KCNQ1: variants seen among roughly 807,000 people sequenced by gnomAD.
KCNQ1 encodes the protein potassium voltage-gated channel subfamily KQT member 1.
A neutral mutation model predicts 72.4 loss-of-function variants in KCNQ1; 49 were observed. The observed-to-expected ratio is 0.68, with a 90% CI of 0.54 to 0.86. The LOEUF (loss-of-function observed/expected upper bound fraction) is 0.86, where lower values mean the gene tolerates loss of function less well. Among genes scored for constraint, KCNQ1 ranks in the 40% least tolerant of loss-of-function variants. The pLI, the probability that KCNQ1 is intolerant of heterozygous loss-of-function variation, is 0.00. For synonymous variants in KCNQ1, 450 were observed against 412.6 expected (o/e 1.09, Z -1.10); for missense variants, 790 against 945.1 (o/e 0.84, Z 2.15).
intron 11 of KCNQ1, chr11:2,688,469 ACT>A (rs1850531164): frequency 2.5e-6 from 1 of 398,554 alleles, no homozygotes; most frequent in African/African-American, 2.1e-5. Flanking sequence ...AGAACACCAC[ACT>A]GAGGCTCTGC....
intron 11 of KCNQ1, chr11:2,662,989 C>T (rs1849996113): frequency 5.0e-6 from 2 of 398,728 alleles, no homozygotes; most frequent in Non-Finnish European, 8.8e-6. Flanking sequence ...AGGTGCAAGG[C>T]CTGGCCTTGC....
intron 2 of KCNQ1, among the ~76,000 whole-genome samples, chr11:2,554,244 G>A (rs1434319509): frequency 1.8e-4 from 27 of 152,234 alleles, no homozygotes; most frequent in Admixed American, 1.8e-3. Context: ...TTAAACATTT[G>A]ATAGCTAGAA....
At position 2,472,193 on chromosome 11, in the gene KCNQ1, CTATG is replaced by C. The variant is rs1251309803; in HGVS notation, c.386+26711_386+26714del. Reference sequence around the variant, plus strand: ...CACCTTTGTGTGTATATGTGCATGTCTATGTGTGCACATGTGTGTAGGTGTGTGT... The same window carrying C: ...CACCTTTGTGTGTATATGTGCATGTCTGTGCACATGTGTGTAGGTGTGTGT... On this transcript the variant is annotated intron_variant, in intron 1 of 15. Coordinates refer to ENST00000155840, the MANE Select transcript of KCNQ1 (RefSeq NM_000218.3). Among the ~76,000 whole-genome samples, 4 of 121,256 alleles carry C rather than the reference CTATG, an allele frequency of 3.3e-5. No homozygotes were observed. The Admixed American group carries it at 3.4e-4, about 10-fold the overall frequency. 79.5% of individuals were successfully genotyped at this position (121,256 alleles called of 152,430 possible).
intron 6 of KCNQ1, among the ~76,000 whole-genome samples, chr11:2,577,634 G>A (rs61871514): frequency 0.031 from 4,789 of 152,312 alleles, 83 homozygotes; most frequent in Middle Eastern, 0.11. Context: ...GGTTTATTTT[G>A]GGGTGTGTGT....
intron 1 of KCNQ1, among the ~76,000 whole-genome samples, chr11:2,518,140 G>A (rs117063915): frequency 0.01 from 1,542 of 152,364 alleles, 16 homozygotes; most frequent in Middle Eastern, 0.034. Context: ...CTGGGCCTTC[G>A]GAGGGAGGGA....
chr11:2,525,988 G>A (rs1284117537), intron 1 of KCNQ1, among the ~76,000 whole-genome samples: 1 of 152,214 alleles, frequency 6.6e-6, no homozygotes, highest in African/African-American at 2.4e-5. Context: ...CAGTTGGGGT[G>A]TTGTGGGGGC....
At chr11:2,554,736 A>G (rs1168665382) in intron 2 of KCNQ1, among the ~76,000 whole-genome samples, 1 of 152,216 alleles carries the variant, frequency 6.6e-6, no homozygotes, top group African/African-American at 2.4e-5. Flanking sequence ...ATTTCACGAC[A>G]AGTCTGCTTT....
intron 10 of KCNQ1, among the ~76,000 whole-genome samples, chr11:2,607,608 G>A (rs970636441): frequency 1.3e-5 from 2 of 152,134 alleles, no homozygotes; most frequent in Admixed American, 1.3e-4. Context: ...CCAGTGCCTT[G>A]ACCTTGGACT....
In KCNQ1 at chr11:2,848,281, A is replaced by G. The variant is rs1848382587; in HGVS notation, c.*278A>G. The G allele has an allele frequency of 1.6e-6, 1 of 637,806 alleles. No individual in the cohort carries two copies. Among genetic ancestry groups the G allele is most frequent in the Non-Finnish European group, 2.9e-6 (1 of 347,446 alleles). The allele number at this position is 637,806 out of a possible 1,614,324, so 39.5% of individuals were successfully genotyped here. On this transcript the variant is annotated 3_prime_UTR_variant, in exon 16 of 16. Coordinates refer to ENST00000155840, the MANE Select transcript of KCNQ1 (RefSeq NM_000218.3). ...ACATGGTGATGTTGACATCACTGGC[A>G]TGGTGGTTGGGACCCAGTGGCAGGG...
At chr11:2,502,152 C>T (rs1171332614) in intron 1 of KCNQ1, among the ~76,000 whole-genome samples, 1 of 152,192 alleles carries the variant, frequency 6.6e-6, no homozygotes, top group Non-Finnish European at 1.5e-5. Flanking sequence ...AAGATGCCCA[C>T]TTTCATCACT....
At chr11:2,797,171 C>T (rs968488307) in intron 15 of KCNQ1, among the ~76,000 whole-genome samples, 5 of 149,280 alleles carry the variant, frequency 3.3e-5, no homozygotes, top group Non-Finnish European at 4.4e-5. Flanking sequence ...GGGGGGGTGG[C>T]GGGGGGGAGG....
intron 11 of KCNQ1, among the ~76,000 whole-genome samples, chr11:2,718,223 C>T (rs1851129783): frequency 6.6e-6 from 1 of 152,226 alleles, no homozygotes; most frequent in African/African-American, 2.4e-5. Flanking sequence ...TCCTTCCCCA[C>T]ATCCCCCTCA....
intron 11 of KCNQ1, chr11:2,694,878 A>T: frequency 2.5e-6 from 1 of 398,654 alleles, no homozygotes. Flanking sequence ...AAATAAGAAG[A>T]AGGAATTGTC....
At chr11:2,560,543 G>T in intron 2 of KCNQ1, among the ~76,000 whole-genome samples, 1 of 121,420 alleles carries the variant, frequency 8.2e-6, no homozygotes, top group Non-Finnish European at 1.8e-5. Context: ...GGGGGGGCGG[G>T]GGGGGGTGAC....
chr11:2,846,403 G>T (rs1440868330), intron 15 of KCNQ1, among the ~76,000 whole-genome samples: 1 of 152,172 alleles, frequency 6.6e-6, no homozygotes, highest in Non-Finnish European at 1.5e-5. Context: ...CCACGGTGGG[G>T]GAGGGTCTAC....
intron 10 of KCNQ1, chr11:2,643,411 A>C (rs1319610257): frequency 2.5e-6 from 1 of 398,302 alleles, no homozygotes. Context: ...CTATATAATG[A>C]CTTCGTCTCT....
chr11:2,540,706 A>G (rs1277089191), intron 2 of KCNQ1, among the ~76,000 whole-genome samples: 1 of 152,222 alleles, frequency 6.6e-6, no homozygotes. Flanking sequence ...CCACTTGGGA[A>G]GGTGCGTTCT....
chr11:2,775,170 T>C (rs1017379625), intron 12 of KCNQ1, among the ~76,000 whole-genome samples: 1 of 152,252 alleles, frequency 6.6e-6, no homozygotes, highest in Non-Finnish European at 1.5e-5. Context: ...TCAGCCTGGC[T>C]GCTCCACCTG....
intron 10 of KCNQ1, chr11:2,660,297 C>G: frequency 5.0e-6 from 2 of 398,366 alleles, no homozygotes; most frequent in Non-Finnish European, 8.9e-6. Flanking sequence ...CTTTTACACA[C>G]ATACATATGT....
Sources: gnomAD v4.1 joint callset for allele counts (sites outside exome capture counted in the v4.1 genomes callset) on GRCh38, gnomAD v4.1.1 for gene constraint, MANE v1.5 for transcripts, NCBI Gene and HGNC (gene_info 2026-07-23, HGNC 2026-07-21) for gene names.